Variants in HECA observed in about 807,000 individuals in gnomAD.
The protein encoded by HECA is HECA ribonucleoprotein granule regulator.
Under a neutral mutation model 37.6 loss-of-function variants are expected in HECA, and 13 were observed. That is an observed-to-expected ratio of 0.35 (90% confidence interval 0.23 to 0.55). The LOEUF (loss-of-function observed/expected upper bound fraction) is 0.55, where lower values mean the gene tolerates loss of function less well. Among genes scored for constraint, HECA ranks in the 20% least tolerant of loss-of-function variants. HECA has a pLI of 0.90. For synonymous variants in HECA, 307 were observed against 291.5 expected (o/e 1.05, Z -0.54); for missense variants, 527 against 701.9 (o/e 0.75, Z 2.82).
intron 1 of HECA, among the ~76,000 whole-genome samples, chr6:139,156,745 C>T (rs563006791): frequency 8.5e-5 from 13 of 152,158 alleles, no homozygotes; most frequent in Admixed American, 4.6e-4. Flanking sequence ...GTGTGCATTC[C>T]GCATACTCTA....
Position 139,135,358 on chromosome 6 carries a change from C to T in HECA, c.-39C>T. ...CGGCCGTGCCTCTGGGATCCGCCTT[C>T]GCTGACGCCGGGCACCTACCTGGAC... On this transcript the variant is annotated 5_prime_UTR_variant, in exon 1 of 4. Transcript: ENST00000367658. 1 of 1,297,642 alleles carries T rather than the reference C, an allele frequency of 7.7e-7. No individual in the cohort carries two copies. The highest frequency in any genetic ancestry group is 1.0e-6 in the Non-Finnish European group (1 of 995,822). The allele number at this position is 1,297,642 out of a possible 1,614,324, so 80.4% of individuals were successfully genotyped here. A position where few individuals can be genotyped will look rare whatever the true frequency, so the allele number is the denominator to read the frequency against.
At chr6:139,138,030 T>G (rs1774472359) in intron 1 of HECA, among the ~76,000 whole-genome samples, 1 of 152,214 alleles carries the variant, frequency 6.6e-6, no homozygotes, top group African/African-American at 2.4e-5. Context: ...ATGATTCACC[T>G]TAATGTGAGG....
At chr6:139,175,663 C>T (rs9688825) in intron 3 of HECA, among the ~76,000 whole-genome samples, 7,127 of 152,218 alleles carry the variant, frequency 0.047, 175 homozygotes, top group African/African-American at 0.064. Flanking sequence ...ACAATGGAGG[C>T]CTACAAACTT....
chr6:139,141,767 T>C (rs1490102791), intron 1 of HECA, among the ~76,000 whole-genome samples: 1 of 151,300 alleles, frequency 6.6e-6, no homozygotes, highest in Non-Finnish European at 1.5e-5. Context: ...TTTTTTTTTT[T>C]TTTTGAGACA....
intron 1 of HECA, among the ~76,000 whole-genome samples, chr6:139,150,113 ATGT>A (rs1312618498): frequency 6.6e-6 from 1 of 152,138 alleles, no homozygotes; most frequent in Non-Finnish European, 1.5e-5. Context: ...GGAAGTTTGC[ATGT>A]TGTTGTAAAA....
Position 139,177,050 on chromosome 6 carries a change from T to C in HECA, c.1577T>C (p.Leu526Pro). 1 of 869,080 alleles carries C rather than the reference T, an allele frequency of 1.2e-6. No individual in the cohort carries two copies. The highest frequency in any genetic ancestry group is 2.0e-6 in the Non-Finnish European group (1 of 498,358). 53.8% of individuals were successfully genotyped at this position (869,080 alleles called of 1,614,324 possible). The change falls in exon 4 of 4, where the codon CTG (leucine) becomes CCG (proline). Residue 526 changes from leucine to proline, a missense_variant. Leu to Pro is a moderately conservative substitution (Grantham distance 98, BLOSUM62 -3). Around this residue, in one of 4 missense-constraint regions of HECA, gnomAD observed 106 missense variants for 193.4 expected, o/e 0.55. Coordinates refer to ENST00000367658, the MANE Select transcript of HECA (RefSeq NM_016217.3). The surrounding 1 kb of genome is among the most constrained non-coding windows in gnomAD (Gnocchi z 4.9). ...CAGCAGTGTCCACACTGTGGGAACC[T>C]GGACTACCACTTCGTGAAGCCATTT... Reference protein sequence around the residue: ...NVQQCPHCGNLDYHFVKPFSS... With the variant: ...NVQQCPHCGNPDYHFVKPFSS...
rs561958939 is a variant in HECA at position 139,166,076 on chromosome 6, T to TA, written c.272-208_272-207insA. On this transcript the variant is annotated intron_variant, in intron 1 of 3. Transcript: ENST00000367658. ...AGGATGAAGGGCGTTGAAGGTCCTT[T>TA]TTAGAGATTCCACCAGACTGGTTGG... 90 of 500,642 alleles carry TA rather than the reference T, an allele frequency of 1.8e-4. 1 individual carries two copies. The highest frequency in any genetic ancestry group is 2.8e-4 in the Non-Finnish European group (81 of 285,486). 31.0% of individuals were successfully genotyped at this position (500,642 alleles called of 1,614,324 possible).
chr6:139,143,108 C>G (rs1046226929), intron 1 of HECA, among the ~76,000 whole-genome samples: 1 of 152,192 alleles, frequency 6.6e-6, no homozygotes, highest in Non-Finnish European at 1.5e-5. Flanking sequence ...CTGGGTACTT[C>G]AGGCTTGGGT....
At position 139,177,094 on chromosome 6, in the gene HECA, G is replaced by A. The variant is rs748702173; in HGVS notation, c.1621G>A (p.Glu541Lys). ...VKPFSSFKVL[E>K]AY ...GCCATTTTCCTCCTTCAAAGTTCTC[G>A]AAGCTTATTGATGAAAGCTTTGCTT... Residue 541 changes from glutamate (E) to lysine (K), a missense_variant, in exon 4 of 4, where the codon GAA becomes AAA. Physicochemically the swap from Glu to Lys is moderately conservative, Grantham distance 56. Coordinates refer to ENST00000367658, the MANE Select transcript of HECA (RefSeq NM_016217.3). The surrounding 1 kb of genome is among the most constrained non-coding windows in gnomAD (Gnocchi z 4.9). 2.3e-6 allele frequency: 2 copies of A among 851,606 alleles called. No homozygotes were observed. The highest frequency in any genetic ancestry group is 1.7e-5 in the Admixed American group (1 of 58,854). The allele number at this position is 851,606 out of a possible 1,614,324, so 52.8% of individuals were successfully genotyped here. A position where few individuals can be genotyped will look rare whatever the true frequency, so the allele number is the denominator to read the frequency against.
At chr6:139,136,112 A>C (rs1378374565) in intron 1 of HECA, among the ~76,000 whole-genome samples, 2 of 151,488 alleles carry the variant, frequency 1.3e-5, no homozygotes, top group African/African-American at 4.9e-5. Context: ...AAGGAGAGAG[A>C]GCCTCAATTC....
rs1775082175 is a variant in HECA, at chr6:139,178,346, AC to A, written c.*1244del. ...TGCTTTAAATAGACTGACGTCGCAT[AC>A]CCTTATAGAATTGGAATATGATTTC... On this transcript the variant is annotated 3_prime_UTR_variant, in exon 4 of 4. Coordinates refer to ENST00000367658, the MANE Select transcript of HECA (RefSeq NM_016217.3). 1 of 152,166 alleles carries A rather than the reference AC, an allele frequency of 6.6e-6. No individual in the cohort carries two copies. The highest frequency in any genetic ancestry group is 2.4e-5 in the African/African-American group (1 of 41,438). The allele number at this position is 152,166 out of a possible 1,614,324, so 9.4% of individuals were successfully genotyped here.
chr6:139,175,271 T>C (rs1775034864), intron 3 of HECA, among the ~76,000 whole-genome samples: 1 of 152,260 alleles, frequency 6.6e-6, no homozygotes, highest in African/African-American at 2.4e-5. Context: ...AGGTAATTCC[T>C]TGATACTCTC....
At chr6:139,164,945 C>T (rs905947814) in intron 1 of HECA, among the ~76,000 whole-genome samples, 1 of 152,214 alleles carries the variant, frequency 6.6e-6, no homozygotes, top group Non-Finnish European at 1.5e-5. Context: ...CCTTCCACCT[C>T]TGGCCACCTT....
At chr6:139,136,649 T>G (rs1424917708) in intron 1 of HECA, among the ~76,000 whole-genome samples, 1 of 151,858 alleles carries the variant, frequency 6.6e-6, no homozygotes, top group African/African-American at 2.4e-5. Flanking sequence ...TTGTTTTTTT[T>G]TTTTTAGACG....
At chr6:139,172,734 A>G (rs1774992453) in intron 2 of HECA, among the ~76,000 whole-genome samples, 1 of 152,224 alleles carries the variant, frequency 6.6e-6, no homozygotes, top group Non-Finnish European at 1.5e-5. Context: ...GACATGAATC[A>G]GTCTGGACTT....
chr6:139,166,980 A>G lies in HECA; in HGVS notation c.968A>G (p.Asp323Gly), dbSNP rs756638459. 2 of 1,614,062 alleles carry G rather than the reference A, an allele frequency of 1.2e-6. No individual in the cohort carries two copies. The highest frequency in any genetic ancestry group is 1.7e-6 in the Non-Finnish European group (2 of 1,180,036). Residue 323 changes from aspartate (D) to glycine (G), a missense_variant, in exon 2 of 4, where the codon GAT (aspartate) becomes GGT (glycine). Physicochemically the swap from Asp to Gly is moderately conservative, Grantham distance 94 (BLOSUM62 -1). Around this residue, in one of 4 missense-constraint regions of HECA, gnomAD observed 228 missense variants for 259.8 expected, o/e 0.88. Transcript: ENST00000367658. ...GGHVFRNAHF[D>G]YSPAGLAVHR... ...CATGTGTTCAGAAATGCCCACTTTGATTACAGCCCTGCGGGGTTGGCAGTT... is the reference window on the plus strand; with the variant it reads ...CATGTGTTCAGAAATGCCCACTTTGGTTACAGCCCTGCGGGGTTGGCAGTT...
chr6:139,158,939 G>A (rs1252367008), intron 1 of HECA, among the ~76,000 whole-genome samples: 1 of 152,038 alleles, frequency 6.6e-6, no homozygotes, highest in Non-Finnish European at 1.5e-5. Context: ...CAGGCATGGT[G>A]GCGCATGCCT....
chr6:139,170,743 A>G (rs1774961620), intron 2 of HECA, among the ~76,000 whole-genome samples: 1 of 152,198 alleles, frequency 6.6e-6, no homozygotes, highest in Admixed American at 6.5e-5. Context: ...ACTTTGCTAT[A>G]TATTCTTTAT....
At position 139,156,507 on chromosome 6, in the gene HECA, G is replaced by C. The variant is rs548924837; in HGVS notation, c.272-9777G>C. 3.3e-4 allele frequency among the ~76,000 whole-genome samples: 51 copies of C among 152,342 alleles called. 2 individuals carry two copies. The South Asian group carries it at 0.01, about 30-fold the overall frequency. ...TTATAAGCGTGTGCCATTGTGTCCAGCCTGTAGCTTTCAAAATATCACCTA... is the reference window on the plus strand; with the variant it reads ...TTATAAGCGTGTGCCATTGTGTCCACCCTGTAGCTTTCAAAATATCACCTA... On this transcript the variant is annotated intron_variant, in intron 1 of 3. Coordinates refer to ENST00000367658, the MANE Select transcript of HECA (RefSeq NM_016217.3).
Sources: gnomAD v4.1 joint callset for allele counts (sites outside exome capture counted in the v4.1 genomes callset) on GRCh38, gnomAD v4.1.1 for gene constraint, gnomAD v4.1.1 regional missense constraint, Gnocchi (gnomAD v3.1) non-coding constraint, MANE v1.5 for transcripts, NCBI Gene and HGNC (gene_info 2026-07-23, HGNC 2026-07-21) for gene names.